TRIO: variants seen among roughly 807,000 people sequenced by gnomAD.
TRIO encodes triple functional domain protein.
A neutral mutation model predicts 351.9 loss-of-function variants in TRIO; 58 were observed. That is an observed-to-expected ratio of 0.16 (90% CI 0.13 to 0.21). The LOEUF (loss-of-function observed/expected upper bound fraction) is 0.21. Among genes scored for constraint, TRIO ranks in the 10% least tolerant of loss-of-function variants. The pLI is 1.00. For synonymous variants in TRIO, 1,758 were observed against 1,595.7 expected, an observed-to-expected ratio of 1.10 and a Z score of -2.42; for missense variants, 3,201 against 4,027.8, an observed-to-expected ratio of 0.79 and a Z score of 5.56.
chr5:14,381,389 C>T, intron 21 of TRIO, 137 bp downstream of exon 21: 1 of 1,121,416 alleles, frequency 8.9e-7, no homozygotes, highest in Non-Finnish European at 1.2e-6. Context: ...AGGATGCTTC[C>T]TCCTTCCGTT....
At position 14,462,285 on chromosome 5, in the gene TRIO, A is replaced by C. The variant is rs143546136; in HGVS notation, c.5497-470A>C. Among the ~76,000 whole-genome samples the C allele has an allele frequency of 5.8e-3, 882 of 152,338 alleles. 10 individuals carry two copies. The highest frequency in any genetic ancestry group is 0.02 in the African/African-American group (832 of 41,562). ...AAAACTAAAACTGAAATTTGTTTCT[A>C]AAAGTGAGAATAGAGGAAAAGAATA... On this transcript the variant is annotated intron_variant, in intron 35 of 56. Transcript: ENST00000344204.
At chr5:14,217,785 C>T (rs1351274394) in intron 1 of TRIO, among the ~76,000 whole-genome samples, 3 of 152,066 alleles carry the variant, frequency 2.0e-5, no homozygotes, top group African/African-American at 2.4e-5. Flanking sequence ...GTGTGATTGT[C>T]GCAGCACGTG....
chr5:14,368,875 C>G lies in TRIO; in HGVS notation c.3042C>G (p.Val1014=), dbSNP rs755370538. The G allele has an allele frequency of 6.2e-7, 1 of 1,614,122 alleles. No homozygotes were observed. Among genetic ancestry groups the G allele is most frequent in the Admixed American group, 1.7e-5 (1 of 60,026 alleles). Residue 1014 remains valine (V), a synonymous_variant, in exon 17 of 57, where the codon GTC becomes GTG. Transcript: ENST00000344204. ...GCCTCAAGCTCGTCAACGCCTCTGT[C>G]GCTTTCTACAAAACCTCAGAGCAGG... ...EDRLKLVNAS[V]AFYKTSEQVC...
At chr5:14,428,233 T>C (rs992037190) in intron 34 of TRIO, among the ~76,000 whole-genome samples, 7 of 152,154 alleles carry the variant, frequency 4.6e-5, no homozygotes, top group Admixed American at 4.6e-4. Flanking sequence ...TAGTCGAAAA[T>C]ATCGTGATTC....
At chr5:14,184,066 G>A (rs1789955930) in intron 1 of TRIO, 4 of 674,984 alleles carry the variant, frequency 5.9e-6, no homozygotes, top group African/African-American at 1.8e-5. Context: ...TGACCTCAGA[G>A]CTCCTAGGCC....
chr5:14,310,430 A>G (rs1738816536), intron 8 of TRIO, among the ~76,000 whole-genome samples: 1 of 152,370 alleles, frequency 6.6e-6, no homozygotes, highest in African/African-American at 2.4e-5. Context: ...TAGATTCTGC[A>G]TCCATTTCTC....
intron 8 of TRIO, among the ~76,000 whole-genome samples, chr5:14,311,348 G>T (rs1399800959): frequency 6.6e-6 from 1 of 152,226 alleles, no homozygotes; most frequent in African/African-American, 2.4e-5. Flanking sequence ...TTTTGAATAA[G>T]AAACTGAATA....
Position 14,487,552 on chromosome 5 carries a change from C to CGGG in TRIO, c.6926_6927insGGG (p.Gly2312dup). The CGGG allele has an allele frequency of 9.4e-7, 1 of 1,061,850 alleles. No homozygotes were observed. The highest frequency in any genetic ancestry group is 1.1e-6 in the Non-Finnish European group (1 of 869,698). 65.8% of individuals were successfully genotyped at this position (1,061,850 alleles called of 1,614,324 possible). On this transcript the variant is annotated inframe_insertion, in exon 48 of 57. Coordinates refer to ENST00000344204, the MANE Select transcript of TRIO (RefSeq NM_007118.4). ...GGGGCAGCGGCGGGGGTGGGGGCAG[C>CGGG]GGCGGCGGCGGGGCCCCCAGTGGCG...
rs56044349 is a variant in TRIO, at chr5:14,225,792, A to ACCC, written c.158-45024_158-45022dup. Among the ~76,000 whole-genome samples the ACCC allele has an allele frequency of 4.3e-3, 338 of 78,068 alleles. 10 individuals are homozygous for ACCC. The highest frequency in any genetic ancestry group is 9.3e-3 in the South Asian group (16 of 1,724). 51.2% of individuals were successfully genotyped at this position (78,068 alleles called of 152,430 possible). A position where few individuals can be genotyped will look rare whatever the true frequency, so the allele number is the denominator to read the frequency against. ...CTATCCCATCATATTCACTGCTCCCACCCCCCCCCCCACCTCCAAGCCCAA... is the reference window on the plus strand; with the variant it reads ...CTATCCCATCATATTCACTGCTCCCACCCCCCCCCCCCCCACCTCCAAGCCCAA... On this transcript the variant is annotated intron_variant, in intron 1 of 56. Transcript: ENST00000344204.
intron 18 of TRIO, 37 bp downstream of exon 18, chr5:14,369,560 G>A: frequency 6.4e-7 from 1 of 1,573,898 alleles, no homozygotes; most frequent in South Asian, 1.2e-5. Context: ...ACCCATCAGA[G>A]GCTTCCTGCC....
chr5:14,301,576 CAT>C (rs1229166410), intron 7 of TRIO, among the ~76,000 whole-genome samples: 3 of 152,142 alleles, frequency 2.0e-5, no homozygotes, highest in Admixed American at 1.3e-4. Flanking sequence ...GATGGTAACA[CAT>C]ATGTGTGTGT....
Position 14,288,594 on chromosome 5 carries a change from G to A in TRIO, c.540+1531G>A, listed in dbSNP as rs547049748. Reference sequence around the variant, plus strand: ...AGGCAGGAGAATGGCGTGAACCTGGGAGGCAGAGCTTGCAGTGAGCCGAGA... The same window carrying A: ...AGGCAGGAGAATGGCGTGAACCTGGAAGGCAGAGCTTGCAGTGAGCCGAGA... On this transcript the variant is annotated intron_variant, in intron 4 of 56. Coordinates refer to ENST00000344204, the MANE Select transcript of TRIO (RefSeq NM_007118.4). Among the ~76,000 whole-genome samples, 295 of 152,064 alleles carry A rather than the reference G, an allele frequency of 1.9e-3. 1 individual carries two copies. The highest frequency in any genetic ancestry group is 2.5e-3 in the Non-Finnish European group (168 of 67,990).
At chr5:14,461,723 G>A (rs1332536433) in intron 35 of TRIO, among the ~76,000 whole-genome samples, 1 of 152,214 alleles carries the variant, frequency 6.6e-6, no homozygotes, top group Non-Finnish European at 1.5e-5. Context: ...CATTGTGGCA[G>A]CATTTTGCAG....
chr5:14,306,409 A>G (rs971159126), intron 8 of TRIO, among the ~76,000 whole-genome samples: 2 of 152,246 alleles, frequency 1.3e-5, no homozygotes, highest in Admixed American at 1.3e-4. Context: ...ACATTGGCTC[A>G]TGAGGATTAT....
intron 32 of TRIO, 72 bp from the exon 33 acceptor site, chr5:14,406,501 A>C: frequency 6.8e-7 from 1 of 1,464,974 alleles, no homozygotes; most frequent in Non-Finnish European, 9.6e-7. Flanking sequence ...ACCTCATTAA[A>C]CAAATCAGTT....
In TRIO at chr5:14,336,519, G is replaced by T. The variant is rs1741434655; in HGVS notation, c.1855-17G>T. The T allele has an allele frequency of 3.1e-6, 5 of 1,609,904 alleles. No homozygotes were observed. In the South Asian group the frequency reaches 5.5e-5, roughly 18 times the overall value. ...TTTCACTTACCTTCTGTTTCTCTGG[G>T]ATGTTCTCTTGTGCAGAACACATAC... On this transcript the variant is annotated splice_polypyrimidine_tract_variant and intron_variant, in intron 10 of 56. Transcript: ENST00000344204.
intron 34 of TRIO, among the ~76,000 whole-genome samples, chr5:14,425,296 C>G (rs1750552329): frequency 6.6e-6 from 1 of 152,196 alleles, no homozygotes; most frequent in South Asian, 2.1e-4. Flanking sequence ...GTTGTAGGTG[C>G]CTCATGTGAG....
Position 14,474,039 on chromosome 5 carries a change from A to G in TRIO, c.6025A>G (p.Lys2009Glu). ...AGAAGATGGTGTTCCTGATGACATGAAAGGAAAAGACAAAATTGTGTTCGG... is the reference window on the plus strand; with the variant it reads ...AGAAGATGGTGTTCCTGATGACATGGAAGGAAAAGACAAAATTGTGTTCGG... ...MKEDGVPDDM[K>E]GKDKIVFGNI... Residue 2009 changes from lysine (K) to glutamate (E), a missense_variant, in exon 40 of 57, where the codon AAA becomes GAA. Transcript: ENST00000344204. 3 of 1,613,588 alleles carry G rather than the reference A, an allele frequency of 1.9e-6. No individual in the cohort carries two copies. The highest frequency in any genetic ancestry group is 2.5e-6 in the Non-Finnish European group (3 of 1,179,540).
chr5:14,498,407 C>T, intron 52 of TRIO, 112 bp from the exon 53 acceptor site: 1 of 1,517,266 alleles, frequency 6.6e-7, no homozygotes, highest in Non-Finnish European at 8.9e-7. Context: ...GTGTACAGCT[C>T]CTCATCAGCA....
Sources: gnomAD v4.1 joint callset for allele counts (sites outside exome capture counted in the v4.1 genomes callset) on GRCh38, gnomAD v4.1.1 for gene constraint, MANE v1.5 for transcripts, NCBI Gene and HGNC (gene_info 2026-07-23, HGNC 2026-07-21) for gene names.